The following PPP3CA variants were observed in gnomAD, a reference collection of about 807,000 sequenced individuals.
PPP3CA encodes protein phosphatase 3 catalytic subunit alpha, also known as CAM-PRP catalytic subunit.
Under a neutral mutation model 66.5 loss-of-function variants are expected in PPP3CA, and 14 were observed. The ratio of observed to expected loss-of-function variants is 0.21; its 90% confidence interval spans 0.14 to 0.33. PPP3CA has a LOEUF of 0.33. Ranked by LOEUF, PPP3CA falls within the 10% of genes least tolerant of loss-of-function variation. PPP3CA has a pLI of 1.00. For missense variants in PPP3CA, 317 were observed against 639.5 expected (o/e 0.50, Z 5.44); for synonymous variants, 232 against 226.2 (o/e 1.03, Z -0.23).
intron 2 of PPP3CA, among the ~76,000 whole-genome samples, chr4:101,119,340 GCA>G (rs1303954783): frequency 6.6e-6 from 1 of 151,946 alleles, no homozygotes; most frequent in African/African-American, 2.4e-5. Flanking sequence ...CAGAGTGGCA[GCA>G]CCGTGACGAG....
At chr4:101,303,642 G>T (rs1361425792) in intron 1 of PPP3CA, among the ~76,000 whole-genome samples, 1 of 152,052 alleles carries the variant, frequency 6.6e-6, no homozygotes, top group Non-Finnish European at 1.5e-5. Flanking sequence ...CAATGTACAG[G>T]TTGTTAACAA....
At chr4:101,032,537 C>T (rs1727022265) in intron 11 of PPP3CA, among the ~76,000 whole-genome samples, 173 bp from the exon 12 acceptor site, 1 of 151,768 alleles carries the variant, frequency 6.6e-6, no homozygotes, top group African/African-American at 2.4e-5. Flanking sequence ...TATTTATATA[C>T]CAGTAATGTT....
chr4:101,158,134 A>C (rs1048988594), intron 2 of PPP3CA: 1 of 152,200 alleles, frequency 6.6e-6, no homozygotes, highest in Non-Finnish European at 1.5e-5. Flanking sequence ...AACTAGATTT[A>C]TACCAAGAAG....
intron 1 of PPP3CA, among the ~76,000 whole-genome samples, chr4:101,247,973 T>C (rs985252780): frequency 1.3e-5 from 2 of 151,868 alleles, no homozygotes; most frequent in African/African-American, 2.4e-5. Context: ...AGAGAGAGAG[T>C]TGAATAATAT....
intron 13 of PPP3CA, among the ~76,000 whole-genome samples, chr4:101,028,121 G>C (rs1264340100): frequency 6.6e-6 from 1 of 152,052 alleles, no homozygotes; most frequent in African/African-American, 2.4e-5. Context: ...GTACAAATTG[G>C]AAGAGTCTAA....
At chr4:101,189,985 G>C (rs1486191050) in intron 2 of PPP3CA, among the ~76,000 whole-genome samples, 1 of 151,976 alleles carries the variant, frequency 6.6e-6, no homozygotes, top group Non-Finnish European at 1.5e-5. Context: ...AAATTATTAG[G>C]AACACTTCAG....
chr4:101,336,537 C>T (rs932303837), intron 1 of PPP3CA, among the ~76,000 whole-genome samples: 9 of 145,762 alleles, frequency 6.2e-5, no homozygotes, highest in Non-Finnish European at 1.2e-4. Flanking sequence ...CGTGCCACTG[C>T]ACTCCAGCCT....
intron 1 of PPP3CA, among the ~76,000 whole-genome samples, chr4:101,204,218 G>A (rs1009789328): frequency 6.6e-6 from 1 of 151,908 alleles, no homozygotes; most frequent in African/African-American, 2.4e-5. Flanking sequence ...TGTTACCTAG[G>A]CTTGTCTTAA....
intron 2 of PPP3CA, among the ~76,000 whole-genome samples, chr4:101,114,816 T>C (rs565926109): frequency 1.3e-5 from 2 of 152,162 alleles, no homozygotes; most frequent in Admixed American, 6.6e-5. Context: ...AGGTTTGAAA[T>C]AGGAACAGAA....
In PPP3CA at chr4:101,048,427, T is replaced by A. The variant is rs1173492512; in HGVS notation, c.1157-7861A>T. ...ATTGGAAGAACTCCTTAACTAGCCA[T>A]AAACCTGGGAATCCTGCACTGTTCT... On this transcript the variant is annotated intron_variant, in intron 10 of 13. Transcript: ENST00000394854. Among the ~76,000 whole-genome samples, 25 of 135,990 alleles carry A rather than the reference T, an allele frequency of 1.8e-4. No homozygotes were observed. The Admixed American group carries it at 2.2e-3, about 12-fold the overall frequency. 89.2% of individuals were successfully genotyped at this position (135,990 alleles called of 152,430 possible).
intron 12 of PPP3CA, among the ~76,000 whole-genome samples, 182 bp from the exon 13 acceptor site, chr4:101,029,377 AAAAAT>A (rs1232630587): frequency 1.4e-4 from 21 of 151,144 alleles, no homozygotes; most frequent in African/African-American, 4.8e-4. Flanking sequence ...AAAAAAGAAA[AAAAAT>A]GCCACAGAAA....
At chr4:101,268,794 GATA>G (rs758802693) in intron 1 of PPP3CA, among the ~76,000 whole-genome samples, 1 of 152,004 alleles carries the variant, frequency 6.6e-6, no homozygotes. Flanking sequence ...TCTTCCTTAA[GATA>G]ATATGGGAAA....
At chr4:101,055,557 C>G (rs1166165618) in intron 10 of PPP3CA, among the ~76,000 whole-genome samples, 1 of 151,982 alleles carries the variant, frequency 6.6e-6, no homozygotes, top group Non-Finnish European at 1.5e-5. Flanking sequence ...CATAGAAGAC[C>G]AGAGGCCAAT....
At chr4:101,222,217 C>T (rs1389333005) in intron 1 of PPP3CA, among the ~76,000 whole-genome samples, 2 of 151,466 alleles carry the variant, frequency 1.3e-5, no homozygotes, top group Non-Finnish European at 3.0e-5. Flanking sequence ...CAGTTTTGCC[C>T]TTATGACAAA....
intron 2 of PPP3CA, among the ~76,000 whole-genome samples, chr4:101,148,940 C>T (rs1038846552): frequency 2.6e-5 from 4 of 152,064 alleles, no homozygotes; most frequent in African/African-American, 9.7e-5. Context: ...AGCAGTCTAT[C>T]ACAGAAATTG....
intron 1 of PPP3CA, among the ~76,000 whole-genome samples, chr4:101,295,641 C>T (rs1728179896): frequency 1.3e-5 from 2 of 152,180 alleles, no homozygotes; most frequent in Admixed American, 6.5e-5. Flanking sequence ...TATTACTTTG[C>T]TTCAAACTTT....
intron 10 of PPP3CA, among the ~76,000 whole-genome samples, chr4:101,060,396 C>T (rs1206662329): frequency 6.6e-6 from 1 of 152,072 alleles, no homozygotes; most frequent in East Asian, 1.9e-4. Context: ...GTAAAGTTTG[C>T]TCTTATGCTT....
At chr4:101,097,996 T>C in intron 5 of PPP3CA, among the ~76,000 whole-genome samples, 1 of 152,234 alleles carries the variant, frequency 6.6e-6, no homozygotes. Context: ...TTAATGGTTA[T>C]GTTATGATAT....
Position 101,311,204 on chromosome 4 carries a change from C to T in PPP3CA, c.58+35535G>A, listed in dbSNP as rs114411774. Among the ~76,000 whole-genome samples, 450 of 152,252 alleles carry T rather than the reference C, an allele frequency of 3.0e-3. 4 individuals carry two copies. The highest frequency in any genetic ancestry group is 0.01 in the African/African-American group (427 of 41,548). On this transcript the variant is annotated intron_variant, in intron 1 of 13. Coordinates refer to ENST00000394854, the MANE Select transcript of PPP3CA (RefSeq NM_000944.5). ...CTTATTTAATTTTCCTCTTCTCTTA[C>T]ACTCCTATCATTTTTCTCTTCTCTG...
Sources: gnomAD v4.1 joint callset for allele counts (sites outside exome capture counted in the v4.1 genomes callset) on GRCh38, gnomAD v4.1.1 for gene constraint, MANE v1.5 for transcripts, NCBI Gene and HGNC (gene_info 2026-07-23, HGNC 2026-07-21) for gene names.